Variants in RELB observed in about 807,000 individuals in gnomAD.
The protein encoded by RELB is transcription factor RelB.
In RELB, 14 loss-of-function variants were observed where a neutral mutation model predicts 55.4. That is an observed-to-expected ratio of 0.25 (90% confidence interval 0.17 to 0.40). The LOEUF is 0.40. Ranked by LOEUF, RELB falls within the 10% of genes least tolerant of loss-of-function variation. RELB has a pLI of 1.00. For missense variants in RELB, 669 were observed against 830.7 expected, an observed-to-expected ratio of 0.81 and a Z score of 2.39; for synonymous variants, 409 against 371.3, an observed-to-expected ratio of 1.10 and a Z score of -1.17.
chr19:45,018,449 T>C (rs2122437993), intron 4 of RELB, among the ~76,000 whole-genome samples: 1 of 142,326 alleles, frequency 7.0e-6, no homozygotes, highest in Middle Eastern at 3.7e-3. Flanking sequence ...CCAGGCATGG[T>C]GGCAGGCACC....
At chr19:45,011,414 G>A (rs1448523245) in intron 3 of RELB, among the ~76,000 whole-genome samples, 4 of 151,528 alleles carry the variant, frequency 2.6e-5, no homozygotes, top group South Asian at 2.1e-4. Flanking sequence ...CGCCCGCCTC[G>A]GCCTCCCGAA....
intron 6 of RELB, 82 bp downstream of exon 6, chr19:45,025,502 C>T (rs1971547558): frequency 3.2e-6 from 5 of 1,560,496 alleles, no homozygotes; most frequent in Non-Finnish European, 3.5e-6. Context: ...CCTCACCACT[C>T]CAGGCCCCAC....
intron 5 of RELB, among the ~76,000 whole-genome samples, chr19:45,023,106 T>C (rs1971509619): frequency 1.3e-5 from 2 of 152,140 alleles, no homozygotes; most frequent in African/African-American, 4.8e-5. Context: ...TTTTTAAACT[T>C]AGTGAAAATA....
rs1568403698 is a variant in RELB, at chr19:45,028,937, CG to C, written c.939del (p.Pro314ArgfsTer62). ...LRICRINKES[G>X]PCTGGEELYL... The stretch of plus-strand genomic sequence containing the variant: ...GGATTTGCCGAATTAACAAGGAAAG[CG>C]GGCCGTGCACCGGTGGCGAGGAGCT... On this transcript the variant is annotated frameshift_variant, in exon 8 of 12. Transcript: ENST00000221452. LOFTEE classifies it high-confidence loss of function. 2 of 1,600,322 alleles carry C rather than the reference CG, an allele frequency of 1.2e-6. No homozygotes were observed. Among genetic ancestry groups the C allele is most frequent in the Non-Finnish European group, 1.7e-6 (2 of 1,174,052 alleles).
At chr19:45,009,720 A>C in intron 2 of RELB, 94 bp from the exon 3 acceptor site, 1 of 1,428,974 alleles carries the variant, frequency 7.0e-7, no homozygotes, top group African/African-American at 1.4e-5. Context: ...GGGTCACAGG[A>C]GGGACAGGGT....
intron 2 of RELB, among the ~76,000 whole-genome samples, chr19:45,009,323 T>A (rs1452758163): frequency 6.6e-6 from 1 of 152,072 alleles, no homozygotes; most frequent in Non-Finnish European, 1.5e-5. Flanking sequence ...TCAAGTGATC[T>A]GCCCACCTCA....
At chr19:45,012,823 C>T (rs567429079) in intron 4 of RELB, among the ~76,000 whole-genome samples, 6 of 151,108 alleles carry the variant, frequency 4.0e-5, no homozygotes, top group African/African-American at 1.5e-4. Context: ...TCGAGGCGAG[C>T]GGATCACTCG....
intron 7 of RELB, 35 bp from the exon 8 acceptor site, chr19:45,028,853 T>C: frequency 6.5e-7 from 1 of 1,536,334 alleles, no homozygotes; most frequent in Non-Finnish European, 8.8e-7. Flanking sequence ...CTCGGGATTT[T>C]TTTTAATACA....
At chr19:45,021,945 G>A (rs1971494053) in intron 4 of RELB, 108 bp from the exon 5 acceptor site, 4 of 1,113,374 alleles carry the variant, frequency 3.6e-6, no homozygotes, top group South Asian at 1.7e-5. Flanking sequence ...CCCAACAGAG[G>A]ACCCTAGTGG....
chr19:45,028,740 GGTTCC>G (rs1471567386), intron 7 of RELB, 143 bp from the exon 8 acceptor site: 1 of 614,920 alleles, frequency 1.6e-6, no homozygotes, highest in African/African-American at 1.9e-5. Context: ...CTGGACTATG[GGTTCC>G]ATGAGGATCA....
At position 45,003,915 on chromosome 19, in the gene RELB, GTTTTTTT is replaced by G. The variant is rs1039624578; in HGVS notation, c.154+939_154+945del. Among the ~76,000 whole-genome samples the G allele has an allele frequency of 3.5e-3, 220 of 63,572 alleles. 1 individual carries two copies. Among genetic ancestry groups the G allele is most frequent in the Admixed American group, 3.2e-3 (12 of 3,792 alleles). The allele number at this position is 63,572 out of a possible 152,430, so 41.7% of individuals were successfully genotyped here. Reference sequence around the variant, plus strand: ...TGGGTTTTTTTTGTCTGTTTTTTGTGTTTTTTTTTTTTTTTTTTTTTTTTTTGAGACA... The same window carrying G: ...TGGGTTTTTTTTGTCTGTTTTTTGTGTTTTTTTTTTTTTTTTTTTGAGACA... On this transcript the variant is annotated intron_variant, in intron 2 of 11. Transcript: ENST00000221452.
intron 1 of RELB, among the ~76,000 whole-genome samples, chr19:45,002,043 A>C (rs1271864486): frequency 1.4e-5 from 2 of 143,140 alleles, no homozygotes; most frequent in Non-Finnish European, 3.0e-5. Context: ...TCCGACCCGG[A>C]CTATGAGAAG....
At chr19:45,004,284 G>A (rs35255921) in intron 2 of RELB, among the ~76,000 whole-genome samples, 6,977 of 143,686 alleles carry the variant, frequency 0.049, 326 homozygotes, top group African/African-American at 0.13. Flanking sequence ...GTACAATGGC[G>A]CGATCTCGGC....
chr19:45,010,130 A>C (rs1971331923), intron 3 of RELB, among the ~76,000 whole-genome samples: 1 of 151,632 alleles, frequency 6.6e-6, no homozygotes, highest in Admixed American at 6.6e-5. Flanking sequence ...TGAGACCCCC[A>C]TCTCTACACA....
chr19:45,013,721 A>G (rs1056548613), intron 4 of RELB, among the ~76,000 whole-genome samples: 3 of 151,712 alleles, frequency 2.0e-5, no homozygotes, highest in Non-Finnish European at 2.9e-5. Flanking sequence ...AATCCCAGCT[A>G]CTCGGGAGGC....
At position 45,021,916 on chromosome 19, in the gene RELB, G is replaced by A. The variant is rs191195411; in HGVS notation, c.505-137G>A. On this transcript the variant is annotated intron_variant, in intron 4 of 11. Transcript: ENST00000221452. Reference sequence around the variant, plus strand: ...AAACACATTCCATCATCCTGGTCGCGGGAGAAGGTTGGGGAGCTCCCAACA... The same window carrying A: ...AAACACATTCCATCATCCTGGTCGCAGGAGAAGGTTGGGGAGCTCCCAACA... The A allele has an allele frequency of 7.9e-5, 66 of 834,762 alleles. 1 individual carries two copies. In the East Asian group the frequency reaches 1.1e-3, roughly 14 times the overall value. The allele number at this position is 834,762 out of a possible 1,614,324, so 51.7% of individuals were successfully genotyped here.
At chr19:45,008,816 G>A (rs1162164530) in intron 2 of RELB, 1 of 291,864 alleles carries the variant, frequency 3.4e-6, no homozygotes, top group Non-Finnish European at 7.0e-6. Flanking sequence ...GTGATTCTAA[G>A]GCTCACTGGC....
Position 45,020,621 on chromosome 19 carries a change from G to A in RELB, c.505-1432G>A, listed in dbSNP as rs372867059. On this transcript the variant is annotated intron_variant, in intron 4 of 11. Transcript: ENST00000221452. ...CGCCCAGGCTGGAGTGCAGTGGCGC[G>A]ATCTTGGCTCACTGCAAGCTCCGCC... is the stretch of plus-strand genomic sequence containing the variant. Among the ~76,000 whole-genome samples, 108 of 144,144 alleles carry A rather than the reference G, an allele frequency of 7.5e-4. 1 individual carries two copies. The East Asian group carries it at 0.019, about 26-fold the overall frequency. 94.6% of individuals were successfully genotyped at this position (144,144 alleles called of 152,430 possible). A position where few individuals can be genotyped will look rare whatever the true frequency, so the allele number is the denominator to read the frequency against.
rs929244416 is a variant in RELB at position 45,028,930 on chromosome 19, A to G, written c.929A>G (p.Lys310Arg). ...GAGCTGCGGATTTGCCGAATTAACA[A>G]GGAAAGCGGGCCGTGCACCGGTGGC... Reference protein sequence around the residue: ...TSELRICRINKESGPCTGGEE... With the variant: ...TSELRICRINRESGPCTGGEE... The change falls in exon 8 of 12, where the codon AAG (lysine) becomes AGG (arginine). Residue 310 changes from lysine (K) to arginine (R), a missense_variant. By Grantham distance (26) the Lys-to-Arg change is conservative. Coordinates refer to ENST00000221452, the MANE Select transcript of RELB (RefSeq NM_006509.4). The G allele has an allele frequency of 1.2e-6, 2 of 1,601,358 alleles. No individual in the cohort carries two copies. The highest frequency in any genetic ancestry group is 2.7e-5 in the African/African-American group (2 of 74,782).
Sources: gnomAD v4.1 joint callset for allele counts (sites outside exome capture counted in the v4.1 genomes callset) on GRCh38, gnomAD v4.1.1 for gene constraint, MANE v1.5 for transcripts, NCBI Gene and HGNC (gene_info 2026-07-23, HGNC 2026-07-21) for gene names.